DLG2: variants seen among roughly 807,000 people sequenced by gnomAD.
The protein encoded by DLG2 is discs large MAGUK scaffold protein 2.
DLG2 carries 45 observed loss-of-function variants against 132.5 expected under a neutral mutation model. That is an observed-to-expected ratio of 0.34 (90% CI 0.27 to 0.44). The LOEUF (loss-of-function observed/expected upper bound fraction) is 0.44, where lower values mean the gene tolerates loss of function less well. Ranked by LOEUF, DLG2 falls within the 20% of genes least tolerant of loss-of-function variation. The pLI, the probability that DLG2 is intolerant of heterozygous loss-of-function variation, is 1.00. For synonymous variants in DLG2, 424 were observed against 419.6 expected (o/e 1.01, Z -0.13); for missense variants, 1,045 against 1,196.9 (o/e 0.87, Z 1.87).
intron 8 of DLG2, among the ~76,000 whole-genome samples, chr11:84,175,758 T>C (rs1448652558): frequency 6.6e-6 from 1 of 152,076 alleles, no homozygotes; most frequent in African/African-American, 2.4e-5. Flanking sequence ...TCATCTGAAG[T>C]TCTGTGATTT....
chr11:83,770,846 A>G (rs1207089685), intron 18 of DLG2, among the ~76,000 whole-genome samples: 1 of 152,228 alleles, frequency 6.6e-6, no homozygotes, highest in African/African-American at 2.4e-5. Context: ...AACAATCACA[A>G]AACGAACAAA....
intron 3 of DLG2, among the ~76,000 whole-genome samples, chr11:85,583,126 GTGTGTATA>G (rs1183503469): frequency 3.8e-3 from 129 of 34,282 alleles, no homozygotes; most frequent in Non-Finnish European, 6.0e-3. Flanking sequence ...GTGTGTGTGT[GTGTGTATA>G]TATATATATA....
chr11:84,149,984 C>T (rs1373580115), intron 9 of DLG2, among the ~76,000 whole-genome samples: 2 of 152,118 alleles, frequency 1.3e-5, no homozygotes, highest in African/African-American at 4.8e-5. Flanking sequence ...TCTCAAACTC[C>T]TAACCTCGTG....
At chr11:84,725,834 A>G (rs1474910209) in intron 6 of DLG2, among the ~76,000 whole-genome samples, 1 of 151,702 alleles carries the variant, frequency 6.6e-6, no homozygotes, top group East Asian at 1.9e-4. Context: ...GCTTTGTGTC[A>G]CTTGTCTGAT....
intron 4 of DLG2, among the ~76,000 whole-genome samples, chr11:85,178,861 T>C (rs1250420813): frequency 6.6e-6 from 1 of 151,882 alleles, no homozygotes; most frequent in Non-Finnish European, 1.5e-5. Flanking sequence ...TACAAAAGCA[T>C]GAAGAATAGA....
At chr11:85,110,389 G>C (rs1328615433) in intron 6 of DLG2, among the ~76,000 whole-genome samples, 1 of 152,000 alleles carries the variant, frequency 6.6e-6, no homozygotes, top group East Asian at 1.9e-4. Context: ...CTACACTCCA[G>C]CCTGGGCAAC....
intron 6 of DLG2, among the ~76,000 whole-genome samples, chr11:84,588,088 T>C (rs1159557050): frequency 6.6e-6 from 1 of 152,130 alleles, no homozygotes; most frequent in Non-Finnish European, 1.5e-5. Context: ...TCTTCATTCC[T>C]GCCACACACA....
chr11:84,180,283 G>C (rs935396301), intron 8 of DLG2, among the ~76,000 whole-genome samples: 1 of 152,012 alleles, frequency 6.6e-6, no homozygotes, highest in Non-Finnish European at 1.5e-5. Flanking sequence ...GAATCCCTTA[G>C]TTTGAGGATA....
intron 10 of DLG2, among the ~76,000 whole-genome samples, chr11:84,098,586 G>A (rs1284512511): frequency 6.6e-6 from 1 of 152,084 alleles, no homozygotes; most frequent in Non-Finnish European, 1.5e-5. Context: ...TACTTATAGT[G>A]TATCCTTTTG....
intron 20 of DLG2, among the ~76,000 whole-genome samples, chr11:83,539,886 A>C (rs567739405): frequency 6.6e-6 from 1 of 152,326 alleles, no homozygotes; most frequent in South Asian, 2.1e-4. Flanking sequence ...TCTGGAGAAA[A>C]ATGATGAGCT....
At chr11:84,111,357 C>T (rs2093340441) in intron 9 of DLG2, among the ~76,000 whole-genome samples, 1 of 152,184 alleles carries the variant, frequency 6.6e-6, no homozygotes, top group Non-Finnish European at 1.5e-5. Context: ...GCCCTTCCTT[C>T]TGGGCTTCCG....
intron 4 of DLG2, among the ~76,000 whole-genome samples, chr11:85,211,183 T>C (rs1356578621): frequency 6.6e-6 from 1 of 152,160 alleles, no homozygotes; most frequent in Non-Finnish European, 1.5e-5. Flanking sequence ...CAAATATTAC[T>C]GCTACATATT....
intron 8 of DLG2, among the ~76,000 whole-genome samples, chr11:84,174,726 T>G (rs2095909426): frequency 6.6e-6 from 1 of 152,204 alleles, no homozygotes; most frequent in Admixed American, 6.6e-5. Context: ...AACTAAAGAC[T>G]GTCTTGTCCA....
chr11:84,370,433 G>C (rs1017247927), intron 7 of DLG2, among the ~76,000 whole-genome samples: 11 of 151,996 alleles, frequency 7.2e-5, no homozygotes, highest in African/African-American at 2.7e-4. Context: ...GGAAGTTTGG[G>C]GTCAGACAGA....
chr11:85,364,137 T>A (rs2084363458), intron 3 of DLG2, among the ~76,000 whole-genome samples: 1 of 152,302 alleles, frequency 6.6e-6, no homozygotes. Flanking sequence ...CAGCTATGTT[T>A]CTACTTATAG....
At chr11:84,558,518 T>C (rs1292842607) in intron 6 of DLG2, among the ~76,000 whole-genome samples, 3 of 152,166 alleles carry the variant, frequency 2.0e-5, no homozygotes, top group Non-Finnish European at 4.4e-5. Flanking sequence ...AGGGCTCTGC[T>C]AGCATCCTTT....
At chr11:84,381,241 T>C (rs1474477630) in intron 7 of DLG2, among the ~76,000 whole-genome samples, 2 of 152,180 alleles carry the variant, frequency 1.3e-5, no homozygotes, top group East Asian at 1.9e-4. Context: ...AGTTTTAAAA[T>C]ATTCTTACAA....
At chr11:84,827,494 T>C (rs536922700) in intron 6 of DLG2, among the ~76,000 whole-genome samples, 1 of 151,678 alleles carries the variant, frequency 6.6e-6, no homozygotes, top group Admixed American at 6.6e-5. Flanking sequence ...GAGGATAATA[T>C]TGATTGATCA....
At chr11:84,143,377 A>G (rs2094937170) in intron 9 of DLG2, among the ~76,000 whole-genome samples, 1 of 152,170 alleles carries the variant, frequency 6.6e-6, no homozygotes, top group Non-Finnish European at 1.5e-5. Context: ...TTTAGAATCA[A>G]TAAATCTGAT....
Sources: gnomAD v4.1 joint callset for allele counts (sites outside exome capture counted in the v4.1 genomes callset) on GRCh38, gnomAD v4.1.1 for gene constraint, MANE v1.5 for transcripts, NCBI Gene and HGNC (gene_info 2026-07-23, HGNC 2026-07-21) for gene names.